RAI1: variants seen among roughly 807,000 people sequenced by gnomAD.
RAI1 encodes the protein retinoic acid-induced protein 1.
RAI1 carries 9 observed loss-of-function variants against 123.8 expected under a neutral mutation model. That is an observed-to-expected ratio of 0.07 (90% CI 0.04 to 0.13). The LOEUF is 0.13. Among genes scored for constraint, RAI1 ranks in the 10% least tolerant of loss-of-function variants. The pLI, the probability that RAI1 is intolerant of heterozygous loss-of-function variation, is 1.00. For missense variants in RAI1, 2,256 were observed against 2,545.8 expected (o/e 0.89, Z 2.45); for synonymous variants, 1,231 against 1,127.3 (o/e 1.09, Z -1.84).
intron 2 of RAI1, among the ~76,000 whole-genome samples, chr17:17,754,347 C>T (rs2030345689): frequency 6.6e-6 from 1 of 152,082 alleles, no homozygotes; most frequent in African/African-American, 2.4e-5. Context: ...AGCAACTCTC[C>T]TGCCTCAGCC....
chr17:17,798,401 A>G lies in RAI1; in HGVS notation c.5453A>G (p.Glu1818Gly). The change falls in exon 3 of 6, where the codon GAG (glutamate) becomes GGG (glycine). Residue 1818 changes from glutamate (E) to glycine (G), a missense_variant. Physicochemically the swap from Glu to Gly is moderately conservative, Grantham distance 98 (BLOSUM62 -2). This residue lies in a region of RAI1 where 243 missense variants were observed against 316.6 expected (regional missense o/e 0.77). Transcript: ENST00000353383. ...GAGGCTCCGGCAGAGCCCGGCGGGG[A>G]GGCCCAGGAGCACTGGGTGCATGAG... ...SKEAPAEPGG[E>G]AQEHWVHEAC... 1 of 1,610,424 alleles carries G rather than the reference A, an allele frequency of 6.2e-7. No individual in the cohort carries two copies. The highest frequency in any genetic ancestry group is 8.5e-7 in the Non-Finnish European group (1 of 1,179,048).
chr17:17,712,881 C>T (rs1045400440), intron 1 of RAI1, among the ~76,000 whole-genome samples: 1 of 152,068 alleles, frequency 6.6e-6, no homozygotes, highest in African/African-American at 2.4e-5. Flanking sequence ...ACACACCAGC[C>T]CAGATGCAAA....
Position 17,809,520 on chromosome 17 carries a change from T to C in RAI1, c.5709+81T>C, listed in dbSNP as rs2032663537. 2.1e-6 allele frequency: 3 copies of C among 1,438,338 alleles called. No homozygotes were observed. Among genetic ancestry groups the C allele is most frequent in the African/African-American group, 1.4e-5 (1 of 71,140 alleles). The allele number at this position is 1,438,338 out of a possible 1,614,324, so 89.1% of individuals were successfully genotyped here. A position where few individuals can be genotyped will look rare whatever the true frequency, so the allele number is the denominator to read the frequency against. ...ACCTCGCACCTCCTTCACAGTCCCC[T>C]GGGCCCCCTTGGCTGCGCAGCCCCG... On this transcript the variant is annotated intron_variant, in intron 5 of 5. Transcript: ENST00000353383. This position sits in a 1 kb window ranked among gnomAD's most constrained non-coding sequence, Gnocchi z 4.9.
At chr17:17,763,302 T>G (rs2030783939) in intron 2 of RAI1, among the ~76,000 whole-genome samples, 1 of 152,182 alleles carries the variant, frequency 6.6e-6, no homozygotes, top group South Asian at 2.1e-4. Flanking sequence ...TGGGCTGCAC[T>G]TAGCTTTGTG....
intron 2 of RAI1, among the ~76,000 whole-genome samples, chr17:17,742,696 G>T (rs1255114217): frequency 1.3e-5 from 2 of 152,216 alleles, no homozygotes; most frequent in Non-Finnish European, 2.9e-5. Flanking sequence ...GTCCCCCAGA[G>T]CCAAGGGTGG....
intron 2 of RAI1, among the ~76,000 whole-genome samples, chr17:17,754,266 G>A (rs1418156053): frequency 5.7e-5 from 8 of 141,288 alleles, no homozygotes; most frequent in Non-Finnish European, 1.2e-4. Flanking sequence ...GTGCAATGGC[G>A]CGATCTCGGC....
In RAI1 at chr17:17,713,155, C is replaced by CA. The variant is rs200060774; in HGVS notation, c.-148-10863dup. On this transcript the variant is annotated intron_variant, in intron 1 of 5. Coordinates refer to ENST00000353383, the MANE Select transcript of RAI1 (RefSeq NM_030665.4). ...ATTTTATAGTGAGTGAATTATACCT[C>CA]AAAAAAAAAATTTTTTTTAAGGCAT... Among the ~76,000 whole-genome samples, 651 of 150,752 alleles carry CA rather than the reference C, an allele frequency of 4.3e-3. 6 individuals are homozygous for CA. The highest frequency in any genetic ancestry group is 0.012 in the African/African-American group (498 of 41,122).
chr17:17,785,559 GGGGGACCCA>G, intron 2 of RAI1, among the ~76,000 whole-genome samples: 1 of 152,250 alleles, frequency 6.6e-6, no homozygotes, highest in Non-Finnish European at 1.5e-5. Flanking sequence ...GGAGCCTGGC[GGGGGACCCA>G]GGAGAGTTGG....
chr17:17,709,398 C>T (rs1915494166), intron 1 of RAI1, among the ~76,000 whole-genome samples: 1 of 152,086 alleles, frequency 6.6e-6, no homozygotes, highest in African/African-American at 2.4e-5. Flanking sequence ...CTTTGCTGGC[C>T]CCCAAATACT....
At chr17:17,738,407 T>TGGGGGGGGGGGGGGGG (rs1567861984) in intron 2 of RAI1, among the ~76,000 whole-genome samples, 1 of 38,094 alleles carries the variant, frequency 2.6e-5, no homozygotes, top group Non-Finnish European at 5.4e-5. Context: ...CGGGGTGGGG[T>TGGGGGGGGGGGGGGGG]GGGCAGGAGG....
At chr17:17,756,197 A>ATTTT (rs765341751) in intron 2 of RAI1, among the ~76,000 whole-genome samples, 8 of 143,380 alleles carry the variant, frequency 5.6e-5, no homozygotes, top group African/African-American at 2.0e-4. Context: ...GAGTGAATGA[A>ATTTT]TTTTTTTTTT....
At position 17,797,499 on chromosome 17, in the gene RAI1, G is replaced by T; in HGVS notation, c.4551G>T (p.Gln1517His). The T allele has an allele frequency of 6.2e-7, 1 of 1,613,402 alleles. No homozygotes were observed. Residue 1517 changes from glutamine (Q) to histidine (H), a missense_variant, in exon 3 of 6, where the codon CAG (glutamine) becomes CAT (histidine). Gln to His is a conservative substitution (Grantham distance 24, BLOSUM62 0). Transcript: ENST00000353383. ...AGCCCCCGGAGGGCAGGCCCTGCCA[G>T]CCCCAGACAAGGGCACAGAAACAGC... Reference protein sequence around the residue: ...ASQPPEGRPCQPQTRAQKQPG... With the variant: ...ASQPPEGRPCHPQTRAQKQPG...
rs754537747 is a variant in RAI1 at position 17,795,802 on chromosome 17, G to A, written c.2854G>A (p.Gly952Ser). The A allele has an allele frequency of 1.9e-6, 3 of 1,613,698 alleles. No individual in the cohort carries two copies. The highest frequency in any genetic ancestry group is 1.7e-6 in the Non-Finnish European group (2 of 1,180,034). ...FESSLSHMKP[G>S]EEGPDGERAP... ...GTCCTCTCTGTCACACATGAAGCCA[G>A]GTGAAGAGGGGCCTGATGGGGAGCG... Residue 952 changes from glycine to serine, a missense_variant, in exon 3 of 6, where the codon GGT becomes AGT. By Grantham distance (56) the Gly-to-Ser change is moderately conservative. This residue lies in a region of RAI1 where 566 missense variants were observed against 616.0 expected (regional missense o/e 0.92). Coordinates refer to ENST00000353383, the MANE Select transcript of RAI1 (RefSeq NM_030665.4). This position sits in a 1 kb window ranked among gnomAD's most constrained non-coding sequence, Gnocchi z 5.9.
At chr17:17,761,169 G>C (rs964932122) in intron 2 of RAI1, among the ~76,000 whole-genome samples, 1 of 152,144 alleles carries the variant, frequency 6.6e-6, no homozygotes, top group African/African-American at 2.4e-5. Flanking sequence ...AGGGTTGAAA[G>C]AGGCGACCCA....
intron 2 of RAI1, among the ~76,000 whole-genome samples, chr17:17,740,749 A>G (rs757857301): frequency 1.3e-5 from 2 of 152,016 alleles, no homozygotes; most frequent in Non-Finnish European, 2.9e-5. Context: ...TTTCATATTG[A>G]TTTTTGTATT....
At chr17:17,746,798 G>A (rs1476788739) in intron 2 of RAI1, among the ~76,000 whole-genome samples, 1 of 151,922 alleles carries the variant, frequency 6.6e-6, no homozygotes, top group Non-Finnish European at 1.5e-5. Context: ...ACCACGCCCG[G>A]CTAATTTTGT....
intron 1 of RAI1, among the ~76,000 whole-genome samples, chr17:17,692,453 T>C (rs1157516852): frequency 6.6e-6 from 1 of 152,216 alleles, no homozygotes; most frequent in Non-Finnish European, 1.5e-5. Flanking sequence ...AACTGCCCTA[T>C]ATCCATTATC....
In RAI1 at chr17:17,799,754, C is replaced by T. The variant is rs577582834; in HGVS notation, c.5565+1241C>T. On this transcript the variant is annotated intron_variant, in intron 3 of 5. Transcript: ENST00000353383. The surrounding 1 kb of genome is among the most constrained non-coding windows in gnomAD (Gnocchi z 4.5). The stretch of plus-strand genomic sequence containing the variant: ...AGTGACCCAGCACAGTGGCCCCAGC[C>T]GGTGGCTTCGCCCCTCCCCCTGCCC... 7.2e-5 allele frequency among the ~76,000 whole-genome samples: 11 copies of T among 152,340 alleles called. No individual in the cohort carries two copies. The highest frequency in any genetic ancestry group is 6.2e-4 in the South Asian group (3 of 4,830).
At chr17:17,807,623 C>T (rs991923107) in intron 4 of RAI1, among the ~76,000 whole-genome samples, 5 of 152,252 alleles carry the variant, frequency 3.3e-5, no homozygotes, top group Admixed American at 6.5e-5. Context: ...GAGGACTGGC[C>T]TTGCCCAGTG....
Sources: allele counts gnomAD v4.1 joint callset (sites outside exome capture counted in the v4.1 genomes callset), GRCh38; gene constraint gnomAD v4.1.1; regional missense constraint gnomAD v4.1.1; non-coding constraint Gnocchi (gnomAD v3.1); transcripts MANE v1.5; gene names NCBI Gene and HGNC (gene_info 2026-07-23, HGNC 2026-07-21).